Variants in GRIK2 observed in about 807,000 individuals in gnomAD.
GRIK2 encodes the protein glutamate receptor ionotropic, kainate 2.
A neutral mutation model predicts 100.3 loss-of-function variants in GRIK2; 32 were observed. The observed-to-expected ratio is 0.32, with a 90% CI of 0.24 to 0.43. The LOEUF (loss-of-function observed/expected upper bound fraction) is 0.43, where lower values mean the gene tolerates loss of function less well. Among genes scored for constraint, GRIK2 ranks in the 20% least tolerant of loss-of-function variants. The pLI, the probability that GRIK2 is intolerant of heterozygous loss-of-function variation, is 1.00. For missense variants in GRIK2, 843 were observed against 1,114.9 expected (o/e 0.76, Z 3.47); for synonymous variants, 417 against 389.4 (o/e 1.07, Z -0.83).
At chr6:101,790,182 A>G (rs1779739726) in intron 7 of GRIK2, among the ~76,000 whole-genome samples, 1 of 151,982 alleles carries the variant, frequency 6.6e-6, no homozygotes, top group Non-Finnish European at 1.5e-5. Context: ...TCTTTTCCTA[A>G]TTGAATACCC....
intron 2 of GRIK2, among the ~76,000 whole-genome samples, chr6:101,548,495 G>A (rs545188828): frequency 2.6e-5 from 4 of 152,220 alleles, no homozygotes; most frequent in Admixed American, 2.6e-4. Flanking sequence ...ATTAATTTTT[G>A]TATAAGGTGT....
chr6:101,630,514 T>G (rs1321067883), intron 4 of GRIK2, among the ~76,000 whole-genome samples: 2 of 152,200 alleles, frequency 1.3e-5, no homozygotes, highest in African/African-American at 4.8e-5. Flanking sequence ...ACATCTTCTT[T>G]TGAGGAGTAT....
At chr6:101,755,350 T>C (rs2128386841) in intron 7 of GRIK2, among the ~76,000 whole-genome samples, 1 of 152,044 alleles carries the variant, frequency 6.6e-6, no homozygotes, top group Non-Finnish European at 1.5e-5. Flanking sequence ...GTATTTTTAG[T>C]AGAGATGGGG....
At chr6:101,493,985 AT>A (rs1269963260) in intron 2 of GRIK2, among the ~76,000 whole-genome samples, 2 of 142,898 alleles carry the variant, frequency 1.4e-5, no homozygotes, top group Non-Finnish European at 3.0e-5. Context: ...TATATATTAT[AT>A]AAAAATTATA....
intron 14 of GRIK2, among the ~76,000 whole-genome samples, chr6:101,937,531 G>A (rs1482526132): frequency 6.6e-6 from 1 of 152,082 alleles, no homozygotes; most frequent in Non-Finnish European, 1.5e-5. Context: ...GCAAAAAATA[G>A]GCTGAGATAA....
chr6:101,704,922 T>G (rs1773149867), intron 7 of GRIK2, among the ~76,000 whole-genome samples: 1 of 148,564 alleles, frequency 6.7e-6, no homozygotes, highest in African/African-American at 2.4e-5. Flanking sequence ...TTGGCCTTTA[T>G]TTTTTATATA....
intron 11 of GRIK2, among the ~76,000 whole-genome samples, chr6:101,872,693 A>T (rs967267132): frequency 6.6e-6 from 1 of 151,704 alleles, no homozygotes; most frequent in Admixed American, 6.6e-5. Flanking sequence ...GCATGTACTC[A>T]CCTCACATTG....
At chr6:101,737,877 A>G (rs1017139550) in intron 7 of GRIK2, among the ~76,000 whole-genome samples, 3 of 152,190 alleles carry the variant, frequency 2.0e-5, no homozygotes, top group African/African-American at 2.4e-5. Flanking sequence ...ACAAAAATCA[A>G]TTCATGTCAG....
chr6:101,561,872 G>T (rs967254248), intron 2 of GRIK2, among the ~76,000 whole-genome samples: 2 of 152,148 alleles, frequency 1.3e-5, no homozygotes, highest in Admixed American at 1.3e-4. Flanking sequence ...CTGGGGCACC[G>T]AGTGAAGGTG....
intron 14 of GRIK2, among the ~76,000 whole-genome samples, chr6:101,988,132 T>TGCGCGC (rs112299589): frequency 3.4e-5 from 1 of 29,552 alleles, no homozygotes; most frequent in African/African-American, 1.0e-4. Context: ...TGTGTGTGTG[T>TGCGCGC]GCGCGCGCGC....
chr6:101,782,865 T>G (rs1453172320), intron 7 of GRIK2, among the ~76,000 whole-genome samples: 3 of 149,888 alleles, frequency 2.0e-5, no homozygotes, highest in Non-Finnish European at 3.0e-5. Context: ...CTCTTTTTTT[T>G]TTTTTTTTTT....
chr6:101,619,267 G>T (rs1224003296), intron 2 of GRIK2, among the ~76,000 whole-genome samples: 1 of 150,756 alleles, frequency 6.6e-6, no homozygotes, highest in African/African-American at 2.4e-5. Flanking sequence ...TGCGTTATCT[G>T]GATGTTTTTA....
chr6:101,622,812 AT>A (rs1318739130), intron 3 of GRIK2, among the ~76,000 whole-genome samples: 2 of 152,010 alleles, frequency 1.3e-5, no homozygotes, highest in African/African-American at 4.8e-5. Flanking sequence ...TTTAATATTT[AT>A]ATATGAAGGA....
chr6:102,024,521 T>G (rs1582742917), intron 14 of GRIK2, among the ~76,000 whole-genome samples: 1 of 151,088 alleles, frequency 6.6e-6, no homozygotes, highest in Non-Finnish European at 1.5e-5. Context: ...TGTAGTAAAA[T>G]AAATCAGGTA....
chr6:101,905,715 C>A (rs1260791424), intron 12 of GRIK2, among the ~76,000 whole-genome samples: 3 of 151,288 alleles, frequency 2.0e-5, no homozygotes, highest in Non-Finnish European at 3.0e-5. Context: ...TTCTATTCAT[C>A]CATGCATCAA....
chr6:101,538,118 G>A lies in GRIK2; in HGVS notation c.116-83831G>A, dbSNP rs1473879501. Among the ~76,000 whole-genome samples, 3 of 151,648 alleles carry A rather than the reference G, an allele frequency of 2.0e-5. No homozygotes were observed. The East Asian group carries it at 5.8e-4, about 29-fold the overall frequency. On this transcript the variant is annotated intron_variant, in intron 2 of 16. Coordinates refer to ENST00000369134, the MANE Select transcript of GRIK2 (RefSeq NM_021956.5). Reference sequence around the variant, plus strand: ...ATCTTTTGCTTACAGTATGATTTTGGTTTGTGTTATTACTGTAAAGTACAC... The same window carrying A: ...ATCTTTTGCTTACAGTATGATTTTGATTTGTGTTATTACTGTAAAGTACAC...
At chr6:101,843,357 T>C (rs1293229935) in intron 10 of GRIK2, among the ~76,000 whole-genome samples, 1 of 152,280 alleles carries the variant, frequency 6.6e-6, no homozygotes, top group Non-Finnish European at 1.5e-5. Context: ...TGCTCCACAC[T>C]TTTCTTCACT....
At chr6:101,395,963 A>G (rs1432227898) in intron 1 of GRIK2, among the ~76,000 whole-genome samples, 1 of 152,178 alleles carries the variant, frequency 6.6e-6, no homozygotes, top group East Asian at 1.9e-4. Flanking sequence ...TATAAATCTT[A>G]CTAAGTATAT....
chr6:102,033,524 T>C (rs2852608), intron 14 of GRIK2, among the ~76,000 whole-genome samples: 53,241 of 151,046 alleles, frequency 0.35, 9,883 homozygotes, highest in African/African-American at 0.48. Context: ...TTTAAACCCA[T>C]GTTTATTTTG....
Sources: allele counts gnomAD v4.1 joint callset (sites outside exome capture counted in the v4.1 genomes callset), GRCh38; gene constraint gnomAD v4.1.1; transcripts MANE v1.5; gene names NCBI Gene and HGNC (gene_info 2026-07-23, HGNC 2026-07-21).